The following ANTXR1 variants were observed in gnomAD, a reference collection of about 807,000 sequenced individuals.
ANTXR1 encodes the protein ANTXR cell adhesion molecule 1.
ANTXR1 carries 19 observed loss-of-function variants against 78.1 expected under a neutral mutation model. The observed-to-expected ratio is 0.24, with a 90% confidence interval of 0.17 to 0.36. The LOEUF is 0.36. Among genes scored for constraint, ANTXR1 ranks in the 10% least tolerant of loss-of-function variants. The pLI is 1.00. For missense variants in ANTXR1, 518 were observed against 718.6 expected (o/e 0.72, Z 3.19); for synonymous variants, 273 against 260.5 (o/e 1.05, Z -0.46).
At chr2:69,081,994 C>T (rs1344413219) in intron 8 of ANTXR1, among the ~76,000 whole-genome samples, 2 of 152,212 alleles carry the variant, frequency 1.3e-5, no homozygotes, top group African/African-American at 4.8e-5. Context: ...CGAATAGACT[C>T]AAGTCTTTCT....
chr2:69,199,868 A>T (rs527885677), intron 17 of ANTXR1, among the ~76,000 whole-genome samples: 14 of 152,248 alleles, frequency 9.2e-5, no homozygotes, highest in South Asian at 4.2e-4. Flanking sequence ...TTCCTTCAGA[A>T]ACCCCAAGAG....
intron 12 of ANTXR1, among the ~76,000 whole-genome samples, chr2:69,140,352 C>T (rs6746128): frequency 2.6e-5 from 4 of 152,080 alleles, no homozygotes; most frequent in Admixed American, 6.5e-5. Context: ...GCTCCTTCAA[C>T]GGATTTGCTT....
At position 69,013,385 on chromosome 2, in the gene ANTXR1, G is replaced by A. The variant is rs2103967726; in HGVS notation, c.-115G>A. ...TGCTTCCGGGGAGTTGCGAGGGAGC[G>A]AGGGGGAATAAAGGACCCGCGAGGA... On this transcript the variant is annotated 5_prime_UTR_variant, in exon 1 of 18. Coordinates refer to ENST00000303714, the MANE Select transcript of ANTXR1 (RefSeq NM_032208.3). This position sits in a 1 kb window ranked among gnomAD's most constrained non-coding sequence, Gnocchi z 5.0. 9 of 1,424,522 alleles carry A rather than the reference G, an allele frequency of 6.3e-6. No homozygotes were observed. In the East Asian group the frequency reaches 9.8e-5, roughly 15 times the overall value. 88.2% of individuals were successfully genotyped at this position (1,424,522 alleles called of 1,614,324 possible).
intron 17 of ANTXR1, among the ~76,000 whole-genome samples, chr2:69,199,275 C>G (rs1183637310): frequency 6.6e-6 from 1 of 152,142 alleles, no homozygotes; most frequent in Non-Finnish European, 1.5e-5. Context: ...TAACAAACTC[C>G]CATGTGATGC....
At chr2:69,136,797 T>C (rs1449412962) in intron 12 of ANTXR1, among the ~76,000 whole-genome samples, 4 of 151,954 alleles carry the variant, frequency 2.6e-5, no homozygotes, top group African/African-American at 9.7e-5. Flanking sequence ...GAAAACAAGA[T>C]AAATGGAGAG....
intron 12 of ANTXR1, among the ~76,000 whole-genome samples, chr2:69,125,126 G>C (rs893984806): frequency 6.6e-6 from 1 of 152,130 alleles, no homozygotes; most frequent in African/African-American, 2.4e-5. Context: ...TTTGCAACTT[G>C]CTTATTATTG....
chr2:69,231,848 A>T (rs1327049750), intron 17 of ANTXR1, among the ~76,000 whole-genome samples: 1 of 152,190 alleles, frequency 6.6e-6, no homozygotes, highest in Non-Finnish European at 1.5e-5. Context: ...GCTCAAAGCT[A>T]GCACATCACT....
chr2:69,195,516 T>C (rs1481923372), intron 17 of ANTXR1, among the ~76,000 whole-genome samples: 1 of 152,212 alleles, frequency 6.6e-6, no homozygotes, highest in Non-Finnish European at 1.5e-5. Flanking sequence ...AGTAAAAACG[T>C]GAAACCAGCT....
chr2:69,133,801 A>G (rs1318130958), intron 12 of ANTXR1, among the ~76,000 whole-genome samples: 1 of 152,188 alleles, frequency 6.6e-6, no homozygotes, highest in Non-Finnish European at 1.5e-5. Flanking sequence ...TTATTGCTGT[A>G]ATTATAGGTG....
intron 12 of ANTXR1, among the ~76,000 whole-genome samples, chr2:69,135,699 T>G (rs542328122): frequency 7.9e-5 from 12 of 152,252 alleles, no homozygotes; most frequent in African/African-American, 2.9e-4. Flanking sequence ...ATAATTCTGA[T>G]CTGCACTTAA....
chr2:69,020,564 T>G (rs1335701400), intron 1 of ANTXR1, among the ~76,000 whole-genome samples: 1 of 152,162 alleles, frequency 6.6e-6, no homozygotes, highest in South Asian at 2.1e-4. Context: ...TGCTAAAGGA[T>G]TCCTAGTGGT....
intron 1 of ANTXR1, among the ~76,000 whole-genome samples, chr2:69,020,794 T>A (rs1671168098): frequency 6.6e-6 from 1 of 152,212 alleles, no homozygotes; most frequent in South Asian, 2.1e-4. Flanking sequence ...ACTGAAAAAG[T>A]AATTAGATTT....
chr2:69,194,159 T>G (rs763333282), intron 17 of ANTXR1, among the ~76,000 whole-genome samples: 1 of 152,310 alleles, frequency 6.6e-6, no homozygotes, highest in Non-Finnish European at 1.5e-5. Flanking sequence ...TTTCAAATAG[T>G]AACAAGTAAC....
At chr2:69,077,386 T>C (rs1670765989) in intron 7 of ANTXR1, 22 bp from the exon 8 acceptor site, 2 of 1,613,782 alleles carry the variant, frequency 1.2e-6, no homozygotes, top group African/African-American at 1.3e-5. Flanking sequence ...CCCATGTGTT[T>C]GTGTATTTGC....
At chr2:69,161,250 T>A (rs1673675323) in intron 13 of ANTXR1, among the ~76,000 whole-genome samples, 1 of 152,144 alleles carries the variant, frequency 6.6e-6, no homozygotes, top group Non-Finnish European at 1.5e-5. Flanking sequence ...ACCATGTGAG[T>A]CCCTTAGGCC....
In ANTXR1 at chr2:69,124,502, GC is replaced by G. The variant is rs1672465473; in HGVS notation, c.873-62del. On this transcript the variant is annotated intron_variant, in intron 11 of 17. Coordinates refer to ENST00000303714, the MANE Select transcript of ANTXR1 (RefSeq NM_032208.3). ...AGCCCAAAGGAGTCCTGTGTGTCTG[GC>G]TCTCAGCCTGTTGCTCATTGCACGC... is the stretch of plus-strand genomic sequence containing the variant. 7.0e-6 allele frequency: 10 copies of G among 1,427,034 alleles called. 1 individual carries two copies. The South Asian group carries it at 1.1e-4, about 16-fold the overall frequency. The allele number at this position is 1,427,034 out of a possible 1,614,324, so 88.4% of individuals were successfully genotyped here.
intron 17 of ANTXR1, among the ~76,000 whole-genome samples, chr2:69,236,316 ATG>A (rs946987594): frequency 1.3e-5 from 2 of 152,176 alleles, no homozygotes; most frequent in South Asian, 2.1e-4. Context: ...GTGTATATAT[ATG>A]TGTGTATGTG....
chr2:69,050,720 C>CA, intron 3 of ANTXR1, among the ~76,000 whole-genome samples: 1 of 152,172 alleles, frequency 6.6e-6, no homozygotes, highest in Non-Finnish European at 1.5e-5. Context: ...TAGAAATTAC[C>CA]AATATGTTGA....
chr2:69,038,122 C>T (rs1057353924), intron 1 of ANTXR1, among the ~76,000 whole-genome samples: 2 of 152,140 alleles, frequency 1.3e-5, no homozygotes, highest in Non-Finnish European at 2.9e-5. Context: ...AGCCATTCCC[C>T]TTTTCTTTTT....
Sources: allele counts gnomAD v4.1 joint callset (sites outside exome capture counted in the v4.1 genomes callset), GRCh38; gene constraint gnomAD v4.1.1; non-coding constraint Gnocchi (gnomAD v3.1); transcripts MANE v1.5; gene names NCBI Gene and HGNC (gene_info 2026-07-23, HGNC 2026-07-21).